Variants in MAP3K4 observed in about 807,000 individuals in gnomAD.
MAP3K4 encodes mitogen-activated protein kinase kinase kinase 4.
MAP3K4 carries 67 observed loss-of-function variants against 185.6 expected under a neutral mutation model. The observed-to-expected ratio is 0.36, with a 90% CI of 0.30 to 0.44. MAP3K4 has a LOEUF of 0.44. Among genes scored for constraint, MAP3K4 ranks in the 20% least tolerant of loss-of-function variants. The pLI, the probability that MAP3K4 is intolerant of heterozygous loss-of-function variation, is 1.00. For synonymous variants in MAP3K4, 702 were observed against 710.4 expected, an observed-to-expected ratio of 0.99 and a Z score of 0.19; for missense variants, 1,551 against 1,995.1, an observed-to-expected ratio of 0.78 and a Z score of 4.24.
At chr6:160,992,404 T>A (rs1780769561) in intron 1 of MAP3K4, 1 of 413,294 alleles carries the variant, frequency 2.4e-6, no homozygotes, top group Non-Finnish European at 4.3e-6. Flanking sequence ...CCCCTGCCGC[T>A]AGCTTCGGAA....
rs369722656 is a variant in MAP3K4, at chr6:161,112,780, C to T, written c.4626+6C>T. Reference sequence around the variant, plus strand: ...TAGAGATGGTGACTGGCAAGGTAAGCGGAGCCCCCACACCTGGCGGAGCAA... The same window carrying T: ...TAGAGATGGTGACTGGCAAGGTAAGTGGAGCCCCCACACCTGGCGGAGCAA... On this transcript the variant is annotated splice_donor_region_variant and intron_variant, in intron 25 of 26. Coordinates refer to ENST00000392142, the MANE Select transcript of MAP3K4 (RefSeq NM_005922.4). The surrounding 1 kb of genome is among the most constrained non-coding windows in gnomAD (Gnocchi z 5.1). The T allele has an allele frequency of 4.1e-5, 65 of 1,577,342 alleles. No homozygotes were observed. The highest frequency in any genetic ancestry group is 1.9e-4 in the African/African-American group (14 of 73,674).
At chr6:161,090,868 T>C (rs1201666097) in intron 11 of MAP3K4, among the ~76,000 whole-genome samples, 1 of 152,216 alleles carries the variant, frequency 6.6e-6, no homozygotes, top group African/African-American at 2.4e-5. Flanking sequence ...ATCCCAGTAC[T>C]TCCACTTTTT....
At chr6:161,000,817 AC>A in intron 1 of MAP3K4, among the ~76,000 whole-genome samples, 1 of 141,254 alleles carries the variant, frequency 7.1e-6, no homozygotes, top group African/African-American at 3.0e-5. Context: ...ATATATACAC[AC>A]ATGTGTATGC....
Position 161,034,194 on chromosome 6 carries a change from A to G in MAP3K4, c.153-65A>G, listed in dbSNP as rs1783052883. On this transcript the variant is annotated intron_variant, in intron 1 of 26. Transcript: ENST00000392142. This position sits in a 1 kb window ranked among gnomAD's most constrained non-coding sequence, Gnocchi z 4.4. Reference sequence around the variant, plus strand: ...TTTACAAAGAATTATTTAAAAAATTATAAGTAAATTTGAATTCACTTAACT... The same window carrying G: ...TTTACAAAGAATTATTTAAAAAATTGTAAGTAAATTTGAATTCACTTAACT... 3 of 1,249,214 alleles carry G rather than the reference A, an allele frequency of 2.4e-6. No homozygotes were observed. The highest frequency in any genetic ancestry group is 2.3e-5 in the Admixed American group (1 of 44,370). 77.4% of individuals were successfully genotyped at this position (1,249,214 alleles called of 1,614,324 possible). A position where few individuals can be genotyped will look rare whatever the true frequency, so the allele number is the denominator to read the frequency against.
At chr6:161,078,501 G>A (rs1785283054) in intron 5 of MAP3K4, among the ~76,000 whole-genome samples, 1 of 152,230 alleles carries the variant, frequency 6.6e-6, no homozygotes, top group South Asian at 2.1e-4. Flanking sequence ...TCAGTGGACT[G>A]GGTTCCAGAC....
intron 6 of MAP3K4, 125 bp downstream of exon 6, chr6:161,081,163 A>C: frequency 7.2e-4 from 737 of 1,025,028 alleles, no homozygotes; most frequent in East Asian, 2.0e-3. Context: ...TCCATATCTC[A>C]TATGTGCACC....
rs1486490562 is a variant in MAP3K4 at position 161,098,511 on chromosome 6, G to A, written c.3674+84G>A. The stretch of plus-strand genomic sequence containing the variant: ...CAACCATAGTGTTAGGGTGTGTGCC[G>A]GCTGTGGTTGGGCTTCTTTGCTGTG... On this transcript the variant is annotated intron_variant, in intron 17 of 26. Transcript: ENST00000392142. The surrounding 1 kb of genome is among the most constrained non-coding windows in gnomAD (Gnocchi z 4.4). The A allele has an allele frequency of 4.6e-5, 68 of 1,467,992 alleles. No homozygotes were observed. Among genetic ancestry groups the A allele is most frequent in the Non-Finnish European group, 5.7e-5 (63 of 1,099,304 alleles). The allele number at this position is 1,467,992 out of a possible 1,614,324, so 90.9% of individuals were successfully genotyped here.
rs568489720 is a variant in MAP3K4, at chr6:161,026,290, G to A, written c.153-7969G>A. Among the ~76,000 whole-genome samples, 56 of 107,326 alleles carry A rather than the reference G, an allele frequency of 5.2e-4. 1 individual carries two copies. The highest frequency in any genetic ancestry group is 1.5e-3 in the African/African-American group (49 of 31,940). The allele number at this position is 107,326 out of a possible 152,430, so 70.4% of individuals were successfully genotyped here. On this transcript the variant is annotated intron_variant, in intron 1 of 26. Transcript: ENST00000392142. ...GGATTACAGGTGCCCGCCACCACGCGCAGCTAATTTTTTTTTTTGTATGTT... is the reference window on the plus strand; with the variant it reads ...GGATTACAGGTGCCCGCCACCACGCACAGCTAATTTTTTTTTTTGTATGTT...
In MAP3K4 at chr6:161,103,564, G is replaced by A. The variant is rs866189615; in HGVS notation, c.3856+785G>A. ...TGACTACAGGGGAGAGCCACTGGGC[G>A]CAGATGCCAATGCAGGAGAAACTGG... On this transcript the variant is annotated intron_variant, in intron 19 of 26. Transcript: ENST00000392142. This position sits in a 1 kb window ranked among gnomAD's most constrained non-coding sequence, Gnocchi z 4.6. Among the ~76,000 whole-genome samples the A allele has an allele frequency of 3.3e-5, 5 of 152,210 alleles. No homozygotes were observed. Among genetic ancestry groups the A allele is most frequent in the East Asian group, 3.9e-4 (2 of 5,180 alleles).
intron 3 of MAP3K4, among the ~76,000 whole-genome samples, chr6:161,062,787 A>G (rs1173642176): frequency 2.6e-5 from 4 of 152,186 alleles, no homozygotes; most frequent in Admixed American, 2.6e-4. Context: ...TTTTTTCTTT[A>G]AACTCTACTA....
intron 25 of MAP3K4, among the ~76,000 whole-genome samples, chr6:161,113,832 C>G (rs1778469629): frequency 8.9e-6 from 1 of 112,976 alleles, no homozygotes; most frequent in Non-Finnish European, 1.6e-5. Context: ...GAGTCTCGCT[C>G]TGTCGCCAGG....
At chr6:161,003,292 G>T (rs1335223746) in intron 1 of MAP3K4, among the ~76,000 whole-genome samples, 1 of 152,000 alleles carries the variant, frequency 6.6e-6, no homozygotes, top group Non-Finnish European at 1.5e-5. Flanking sequence ...ATTGTAATGA[G>T]GTATAGATCG....
At chr6:161,041,828 T>C (rs553210117) in intron 2 of MAP3K4, among the ~76,000 whole-genome samples, 4 of 151,610 alleles carry the variant, frequency 2.6e-5, no homozygotes, top group Non-Finnish European at 5.9e-5. Context: ...CTACTTGTGA[T>C]ACCAGACGGA....
At chr6:161,068,653 T>G (rs1357140954) in intron 3 of MAP3K4, among the ~76,000 whole-genome samples, 1 of 152,200 alleles carries the variant, frequency 6.6e-6, no homozygotes, top group African/African-American at 2.4e-5. Flanking sequence ...AGAAAAGCAG[T>G]TGAAGATCCA....
intron 3 of MAP3K4, among the ~76,000 whole-genome samples, chr6:161,057,619 G>A (rs146270388): frequency 2.3e-4 from 35 of 152,250 alleles, no homozygotes; most frequent in Non-Finnish European, 4.1e-4. Context: ...TGTGCCTCAC[G>A]TGAAGCTAGA....
chr6:160,994,882 G>A lies in MAP3K4; in HGVS notation c.152+2799G>A, dbSNP rs1442008912. 3.3e-5 allele frequency among the ~76,000 whole-genome samples: 5 copies of A among 152,236 alleles called. No homozygotes were observed. In the East Asian group the frequency reaches 9.7e-4, roughly 29 times the overall value. On this transcript the variant is annotated intron_variant, in intron 1 of 26. Coordinates refer to ENST00000392142, the MANE Select transcript of MAP3K4 (RefSeq NM_005922.4). ...GGTCCAGCTCATTTTTGTATTTTTA[G>A]TAGAGACAAGGTTTCACCAAGTTGG...
chr6:161,080,699 A>G lies in MAP3K4; in HGVS notation c.2098-182A>G. 1.8e-6 allele frequency: 1 copy of G among 550,996 alleles called. No individual in the cohort carries two copies. Among genetic ancestry groups the G allele is most frequent in the Admixed American group, 3.6e-5 (1 of 28,122 alleles). 34.1% of individuals were successfully genotyped at this position (550,996 alleles called of 1,614,324 possible). A position where few individuals can be genotyped will look rare whatever the true frequency, so the allele number is the denominator to read the frequency against. On this transcript the variant is annotated intron_variant, in intron 5 of 26. Transcript: ENST00000392142. The surrounding 1 kb of genome is among the most constrained non-coding windows in gnomAD (Gnocchi z 4.8). ...TGGGGAGTTAGTTTTGTGATTTTTT[A>G]AAAAATCCTCATTTAGACCTCAGCT...
At chr6:161,062,259 C>T (rs1336151941) in intron 3 of MAP3K4, among the ~76,000 whole-genome samples, 1 of 152,012 alleles carries the variant, frequency 6.6e-6, no homozygotes, top group Non-Finnish European at 1.5e-5. Flanking sequence ...CAGTGAAATG[C>T]CAAGTTATTT....
chr6:161,066,710 C>T (rs1211655339), intron 3 of MAP3K4, among the ~76,000 whole-genome samples: 5 of 152,264 alleles, frequency 3.3e-5, no homozygotes, highest in Admixed American at 1.3e-4. Flanking sequence ...AACATCTGCT[C>T]CTCTCTGTCT....
Sources: allele counts gnomAD v4.1 joint callset (sites outside exome capture counted in the v4.1 genomes callset), GRCh38; gene constraint gnomAD v4.1.1; non-coding constraint Gnocchi (gnomAD v3.1); transcripts MANE v1.5; gene names NCBI Gene and HGNC (gene_info 2026-07-23, HGNC 2026-07-21).